The following PCDHA5 variants were observed in gnomAD, a reference collection of about 807,000 sequenced individuals.
The protein encoded by PCDHA5 is protocadherin alpha 5, also known as protocadherin alpha-5.
PCDHA5 carries 43 observed loss-of-function variants against 61.6 expected under a neutral mutation model. The observed-to-expected ratio is 0.70, with a 90% CI of 0.55 to 0.90. PCDHA5 has a LOEUF of 0.90. Among genes scored for constraint, PCDHA5 ranks in the 40% least tolerant of loss-of-function variants. PCDHA5 has a pLI of 0.00. For synonymous variants in PCDHA5, 627 were observed against 543.9 expected (o/e 1.15, Z -2.13); for missense variants, 1,298 against 1,222.7 (o/e 1.06, Z -0.92).
At chr5:140,830,106 G>C (rs150521839) in intron 1 of PCDHA5, 22 of 1,613,500 alleles carry the variant, frequency 1.4e-5, no homozygotes, top group Non-Finnish European at 1.8e-5. Context: ...CTGGTGGAGA[G>C]TGGCCAGGCT....
intron 1 of PCDHA5, chr5:140,927,113 A>G (rs782135853): frequency 1.9e-6 from 3 of 1,613,684 alleles, no homozygotes; most frequent in African/African-American, 1.3e-5. Context: ...CCCAGCGGCA[A>G]TTTGGTGGTC....
intron 1 of PCDHA5, among the ~76,000 whole-genome samples, chr5:140,895,125 G>T (rs1165797883): frequency 2.0e-5 from 3 of 152,068 alleles, no homozygotes; most frequent in African/African-American, 7.2e-5. Flanking sequence ...TTTGTTAGTT[G>T]ACAAGTTCAT....
chr5:140,987,858 T>C (rs1203158352), intron 3 of PCDHA5, among the ~76,000 whole-genome samples: 1 of 152,142 alleles, frequency 6.6e-6, no homozygotes, highest in African/African-American at 2.4e-5. Context: ...CCACATCTCT[T>C]TACTCTGTGG....
At chr5:140,857,952 C>G in intron 1 of PCDHA5, 1 of 1,597,470 alleles carries the variant, frequency 6.3e-7, no homozygotes, top group South Asian at 1.1e-5. Context: ...ACGACGCGCG[C>G]TCTGGATGAG....
At chr5:140,873,592 T>G (rs936003894) in intron 1 of PCDHA5, among the ~76,000 whole-genome samples, 1 of 152,234 alleles carries the variant, frequency 6.6e-6, no homozygotes, top group African/African-American at 2.4e-5. Flanking sequence ...TAAGCTAAAC[T>G]TAGATGTTCC....
chr5:140,884,598 C>T (rs782317237), intron 1 of PCDHA5: 4 of 1,614,108 alleles, frequency 2.5e-6, no homozygotes. Flanking sequence ...CCCAGCCTTC[C>T]TCCTTGTCTG....
intron 1 of PCDHA5, chr5:140,927,159 C>G (rs782468229): frequency 6.2e-7 from 1 of 1,614,046 alleles, no homozygotes; most frequent in Non-Finnish European, 8.5e-7. Context: ...TGTGCAGGGC[C>G]AAAGCTGCCT....
chr5:140,902,657 T>G (rs1331790009), intron 1 of PCDHA5, among the ~76,000 whole-genome samples: 2 of 152,160 alleles, frequency 1.3e-5, no homozygotes, highest in Non-Finnish European at 2.9e-5. Context: ...GGTGCACCTG[T>G]CACCCAAGCA....
intron 1 of PCDHA5, among the ~76,000 whole-genome samples, chr5:140,893,177 T>A (rs2063856203): frequency 6.6e-6 from 1 of 152,232 alleles, no homozygotes; most frequent in Admixed American, 6.5e-5. Flanking sequence ...TTCCACATAG[T>A]AGCTATTGTG....
chr5:140,884,019 C>G, intron 1 of PCDHA5: 1 of 1,613,216 alleles, frequency 6.2e-7, no homozygotes. Flanking sequence ...ATGCCGCGGT[C>G]GGTGGGTGCA....
rs189949937 is a variant in PCDHA5 at position 140,920,653 on chromosome 5, T to C, written c.2353-58296T>C. On this transcript the variant is annotated intron_variant, in intron 1 of 3. Coordinates refer to ENST00000529859, the MANE Select transcript of PCDHA5 (RefSeq NM_018908.3). ...AAGGTCAAGAGATTGAGACCATCCT[T>C]GCCAACATGGTGAAACCCCATCTCT... is the stretch of plus-strand genomic sequence containing the variant. Among the ~76,000 whole-genome samples, 1,219 of 152,042 alleles carry C rather than the reference T, an allele frequency of 8.0e-3. 5 individuals carry two copies. Among genetic ancestry groups the C allele is most frequent in the African/African-American group, 0.019 (786 of 41,502 alleles).
intron 1 of PCDHA5, chr5:140,878,010 A>G: frequency 2.4e-6 from 2 of 839,980 alleles, no homozygotes; most frequent in Non-Finnish European, 3.4e-6. Flanking sequence ...GTCTAACATT[A>G]ATGAAGGAAA....
At chr5:140,940,159 C>CT (rs1401623923) in intron 1 of PCDHA5, among the ~76,000 whole-genome samples, 1 of 151,978 alleles carries the variant, frequency 6.6e-6, no homozygotes, top group East Asian at 1.9e-4. Context: ...TTTTGTTTGC[C>CT]TGAAATGTCA....
intron 1 of PCDHA5, among the ~76,000 whole-genome samples, chr5:140,902,647 G>A (rs1286700570): frequency 6.6e-6 from 1 of 150,932 alleles, no homozygotes; most frequent in African/African-American, 2.4e-5. Context: ...CTGAGATTTT[G>A]GTGCACCTGT....
intron 1 of PCDHA5, among the ~76,000 whole-genome samples, chr5:140,951,337 G>C (rs1346350844): frequency 6.6e-6 from 1 of 151,970 alleles, no homozygotes; most frequent in Non-Finnish European, 1.5e-5. Context: ...CATTCTGTTT[G>C]TGTTAGTCCA....
intron 1 of PCDHA5, among the ~76,000 whole-genome samples, chr5:140,894,820 C>A (rs149254580): frequency 3.2e-4 from 49 of 152,072 alleles, no homozygotes; most frequent in African/African-American, 1.2e-3. Flanking sequence ...ATCAGATTTG[C>A]CCATAATCCT....
intron 1 of PCDHA5, among the ~76,000 whole-genome samples, chr5:140,941,255 C>CTTTCTTTCTT (rs782490896): frequency 0.012 from 539 of 44,464 alleles, 5 homozygotes; most frequent in Middle Eastern, 0.036. Context: ...TTCTTTCTTT[C>CTTTCTTTCTT]TCTTTCTTTC....
At chr5:140,956,174 C>T (rs1353306679) in intron 1 of PCDHA5, among the ~76,000 whole-genome samples, 1 of 152,154 alleles carries the variant, frequency 6.6e-6, no homozygotes. Context: ...GCCAGAACTT[C>T]CAATACTATG....
chr5:140,875,313 C>T, intron 1 of PCDHA5: 3 of 1,425,730 alleles, frequency 2.1e-6, no homozygotes, highest in Non-Finnish European at 9.1e-7. Flanking sequence ...CACCCACATT[C>T]CAATCATTCA....
Sources: allele counts gnomAD v4.1 joint callset (sites outside exome capture counted in the v4.1 genomes callset), GRCh38; gene constraint gnomAD v4.1.1; transcripts MANE v1.5; gene names NCBI Gene and HGNC (gene_info 2026-07-23, HGNC 2026-07-21).